Variants in C16orf87 observed in about 807,000 individuals in gnomAD.
C16orf87 encodes HDAC and MIER1 interacting protein 1, also known as UPF0547 protein C16orf87.
C16orf87 carries 13 observed loss-of-function variants against 21.0 expected under a neutral mutation model. The observed-to-expected ratio is 0.62, with a 90% CI of 0.40 to 0.98. The LOEUF (loss-of-function observed/expected upper bound fraction) is 0.98. Ranked by LOEUF, C16orf87 falls within the 50% of genes least tolerant of loss-of-function variation. The probability of loss-of-function intolerance (pLI) is 0.00; values close to 1 mark genes in which losing one functional copy is unlikely to be tolerated. For synonymous variants in C16orf87, 49 were observed against 60.2 expected, an observed-to-expected ratio of 0.81 and a Z score of 0.86; for missense variants, 113 against 180.4, an observed-to-expected ratio of 0.63 and a Z score of 2.14.
At chr16:46,823,332 C>A (rs903295339) in intron 2 of C16orf87, among the ~76,000 whole-genome samples, 1 of 152,162 alleles carries the variant, frequency 6.6e-6, no homozygotes, top group Non-Finnish European at 1.5e-5. Context: ...GTGCCCAAGG[C>A]TTGGAATAGT....
At chr16:46,821,867 T>C (rs1453807060) in intron 2 of C16orf87, among the ~76,000 whole-genome samples, 2 of 152,230 alleles carry the variant, frequency 1.3e-5, no homozygotes, top group African/African-American at 2.4e-5. Context: ...AAAAAAAATC[T>C]ACACGGATGA....
intron 2 of C16orf87, 71 bp downstream of exon 2, chr16:46,824,315 T>C (rs927938182): frequency 4.0e-6 from 3 of 747,634 alleles, no homozygotes; most frequent in East Asian, 2.7e-5. Flanking sequence ...AAAATGTAAA[T>C]AGAAACTTCA....
intron 3 of C16orf87, among the ~76,000 whole-genome samples, chr16:46,807,158 C>T (rs1200583025): frequency 1.3e-5 from 2 of 152,146 alleles, no homozygotes; most frequent in South Asian, 2.1e-4. Flanking sequence ...CAAACTAGGC[C>T]GAGTGCAGTG....
At chr16:46,827,147 T>C (rs921541824) in intron 1 of C16orf87, among the ~76,000 whole-genome samples, 1 of 152,244 alleles carries the variant, frequency 6.6e-6, no homozygotes. Context: ...TAATTCATTC[T>C]ATAGTTTGAG....
intron 3 of C16orf87, 127 bp downstream of exon 3, chr16:46,809,476 C>T (rs1173148627): frequency 3.1e-6 from 2 of 637,812 alleles, no homozygotes; most frequent in Non-Finnish European, 5.5e-6. Flanking sequence ...GAAATGCTTT[C>T]AAACTAAAAT....
At chr16:46,809,859 T>C in intron 2 of C16orf87, 74 bp from the exon 3 acceptor site, 2 of 915,818 alleles carry the variant, frequency 2.2e-6, no homozygotes, top group Non-Finnish European at 3.4e-6. Context: ...ATTGTCTTCC[T>C]TTTTCTTTCT....
At chr16:46,830,837 C>A in intron 1 of C16orf87, 1 of 341,952 alleles carries the variant, frequency 2.9e-6, no homozygotes, top group Non-Finnish European at 5.3e-6. Context: ...CCTCCAGTGG[C>A]CGGGACACAG....
At chr16:46,804,728 C>T (rs1429821259) in intron 3 of C16orf87, among the ~76,000 whole-genome samples, 1 of 152,136 alleles carries the variant, frequency 6.6e-6, no homozygotes, top group Non-Finnish European at 1.5e-5. Context: ...TAACAAATTT[C>T]CTCCAGAAAT....
At chr16:46,822,165 C>T (rs1170097702) in intron 2 of C16orf87, among the ~76,000 whole-genome samples, 1 of 152,202 alleles carries the variant, frequency 6.6e-6, no homozygotes, top group Non-Finnish European at 1.5e-5. Flanking sequence ...ATCCTCCTGC[C>T]TCGGCCTCCC....
chr16:46,815,827 T>C (rs1208056550), intron 2 of C16orf87, among the ~76,000 whole-genome samples: 1 of 152,190 alleles, frequency 6.6e-6, no homozygotes, highest in Non-Finnish European at 1.5e-5. Flanking sequence ...GGAGCTGCTA[T>C]GGAAAACAGT....
At chr16:46,828,378 A>AT (rs774531708) in intron 1 of C16orf87, among the ~76,000 whole-genome samples, 1 of 152,056 alleles carries the variant, frequency 6.6e-6, no homozygotes, top group East Asian at 1.9e-4. Context: ...AAGCTGCTCT[A>AT]TTTTTTTTAA....
intron 2 of C16orf87, among the ~76,000 whole-genome samples, chr16:46,823,592 C>A (rs1044125708): frequency 1.3e-5 from 2 of 151,918 alleles, no homozygotes; most frequent in African/African-American, 4.8e-5. Flanking sequence ...TGTCTAAAAA[C>A]GTTTTTCATA....
intron 3 of C16orf87, among the ~76,000 whole-genome samples, chr16:46,803,380 G>A (rs762184931): frequency 8.5e-5 from 13 of 152,088 alleles, no homozygotes; most frequent in Admixed American, 6.5e-5. Context: ...TCTGCTAGAC[G>A]AAATTCACTC....
intron 2 of C16orf87, among the ~76,000 whole-genome samples, chr16:46,812,932 A>AT (rs1313605711): frequency 5.3e-5 from 8 of 152,140 alleles, no homozygotes; most frequent in Non-Finnish European, 8.8e-5. Flanking sequence ...ATTTTGCTTG[A>AT]TTCTCAGGCT....
chr16:46,805,334 A>C (rs1005711517), intron 3 of C16orf87, among the ~76,000 whole-genome samples: 1 of 151,924 alleles, frequency 6.6e-6, no homozygotes, highest in Non-Finnish European at 1.5e-5. Flanking sequence ...AGTTTCTGGA[A>C]CCTTTCTTCA....
intron 1 of C16orf87, among the ~76,000 whole-genome samples, chr16:46,828,112 TAG>T (rs1445108349): frequency 6.6e-6 from 1 of 151,566 alleles, no homozygotes; most frequent in East Asian, 1.9e-4. Flanking sequence ...AATTTTTTAG[TAG>T]AGACAGGGTT....
intron 1 of C16orf87, 98 bp from the exon 2 acceptor site, chr16:46,824,580 G>A (rs1373518541): frequency 2.0e-6 from 1 of 500,758 alleles, no homozygotes; most frequent in African/African-American, 2.0e-5. Context: ...TAAATTACTT[G>A]AAGGAGGAAT....
At position 46,799,342 on chromosome 16, in the gene C16orf87, A is replaced by G. The variant is rs1967708325; in HGVS notation, c.*3610T>C. 6.6e-6 allele frequency: 1 copy of G among 152,208 alleles called. No homozygotes were observed. Among genetic ancestry groups the G allele is most frequent in the South Asian group, 2.1e-4 (1 of 4,830 alleles). The allele number at this position is 152,208 out of a possible 1,614,324, so 9.4% of individuals were successfully genotyped here. ...AAAATATATAAACATATATACATGTACTTCCAAATGTAAAAATGAAGCTTG... is the reference window on the plus strand; with the variant it reads ...AAAATATATAAACATATATACATGTGCTTCCAAATGTAAAAATGAAGCTTG... On this transcript the variant is annotated 3_prime_UTR_variant, in exon 4 of 4. Coordinates refer to ENST00000285697, the MANE Select transcript of C16orf87 (RefSeq NM_001001436.4).
At chr16:46,817,725 T>C (rs951844563) in intron 2 of C16orf87, among the ~76,000 whole-genome samples, 1 of 151,726 alleles carries the variant, frequency 6.6e-6, no homozygotes, top group Non-Finnish European at 1.5e-5. Context: ...GGGATTATCC[T>C]GGGAGTACAA....
Sources: allele counts gnomAD v4.1 joint callset (sites outside exome capture counted in the v4.1 genomes callset), GRCh38; gene constraint gnomAD v4.1.1; transcripts MANE v1.5; gene names NCBI Gene and HGNC (gene_info 2026-07-23, HGNC 2026-07-21).